Variants in STARD6 observed in about 807,000 individuals in gnomAD.
STARD6 encodes stAR-related lipid transfer protein 6.
A neutral mutation model predicts 22.3 loss-of-function variants in STARD6; 21 were observed. The observed-to-expected ratio is 0.94, with a 90% confidence interval of 0.67 to 1.35. The LOEUF (loss-of-function observed/expected upper bound fraction) is 1.35, where lower values mean the gene tolerates loss of function less well. Ranked by LOEUF, STARD6 falls within the 40% of genes most tolerant of loss-of-function variation. The pLI is 0.00. For missense variants in STARD6, 269 were observed against 266.9 expected (o/e 1.01, Z -0.05); for synonymous variants, 80 against 88.1 (o/e 0.91, Z 0.52).
At chr18:54,353,545 A>G (rs1254321887) in intron 4 of STARD6, among the ~76,000 whole-genome samples, 1 of 152,190 alleles carries the variant, frequency 6.6e-6, no homozygotes, top group Admixed American at 6.5e-5. Context: ...CTGTAGTCCC[A>G]GTTATTCAGG....
intron 7 of STARD6, 33 bp from the exon 8 acceptor site, chr18:54,324,908 G>T: frequency 6.8e-7 from 1 of 1,462,184 alleles, no homozygotes; most frequent in Non-Finnish European, 9.0e-7. Context: ...AAAAAGATAA[G>T]AAATTTTTAG....
intron 5 of STARD6, among the ~76,000 whole-genome samples, chr18:54,333,053 A>G (rs1411652533): frequency 6.6e-6 from 1 of 152,232 alleles, no homozygotes; most frequent in Admixed American, 6.5e-5. Flanking sequence ...TATTGGCTGC[A>G]TCATCCTTGA....
intron 4 of STARD6, among the ~76,000 whole-genome samples, chr18:54,342,221 A>T (rs578120105): frequency 2.0e-5 from 3 of 152,364 alleles, no homozygotes; most frequent in Admixed American, 2.0e-4. Context: ...CAAGACAGAG[A>T]TTGAATTAGT....
At chr18:54,354,439 A>T (rs1340345655) in intron 3 of STARD6, 45 bp downstream of exon 3, 2 of 1,487,786 alleles carry the variant, frequency 1.3e-6, no homozygotes, top group Non-Finnish European at 1.9e-6. Flanking sequence ...ATTGTTTCTT[A>T]CTTAAAAACA....
At chr18:54,332,289 A>G in intron 5 of STARD6, among the ~76,000 whole-genome samples, 1 of 152,232 alleles carries the variant, frequency 6.6e-6, no homozygotes, top group Admixed American at 6.5e-5. Flanking sequence ...CCAATGTTGT[A>G]TGCTGGTAAA....
In STARD6 at chr18:54,337,183, T is replaced by A. The variant is rs1446409028; in HGVS notation, c.209A>T (p.Asp70Val). Reference sequence around the variant, plus strand: ...CAATGATTTATCCCATGTAATTCTGTCTCCAGTTTGGTAGAGGAAATCAGA... The same window carrying A: ...CAATGATTTATCCCATGTAATTCTGACTCCAGTTTGGTAGAGGAAATCAGA... ...KLSDFLYQTG[D>V]RITWDKSLQV... Residue 70 changes from aspartate to valine, a missense_variant, in exon 5 of 8, where the codon GAC (aspartate) becomes GTC (valine). Physicochemically the swap from Asp to Val is radical, Grantham distance 152 (BLOSUM62 -3). Coordinates refer to ENST00000307844, the MANE Select transcript of STARD6 (RefSeq NM_139171.2). 7 of 1,613,396 alleles carry A rather than the reference T, an allele frequency of 4.3e-6. No individual in the cohort carries two copies. The East Asian group carries it at 1.3e-4, about 31-fold the overall frequency.
chr18:54,341,824 T>C (rs987508988), intron 4 of STARD6, among the ~76,000 whole-genome samples: 7 of 152,078 alleles, frequency 4.6e-5, no homozygotes, highest in Non-Finnish European at 2.9e-5. Context: ...AAAAAAGAAG[T>C]TCTGAAATCA....
At chr18:54,327,815 T>C (rs573623805) in intron 7 of STARD6, among the ~76,000 whole-genome samples, 127 of 152,320 alleles carry the variant, frequency 8.3e-4, no homozygotes, top group African/African-American at 2.3e-3. Context: ...GTTTATACTA[T>C]TTTTACAGTG....
rs57545912 is a variant in STARD6, at chr18:54,327,907, A to G, written c.479+1440T>C. On this transcript the variant is annotated intron_variant, in intron 7 of 7. Transcript: ENST00000307844. Reference sequence around the variant, plus strand: ...CTGCAGTTTCATTTATCCAAGGTCAACCTGTTCCAGAAATAAGAAAAATTC... The same window carrying G: ...CTGCAGTTTCATTTATCCAAGGTCAGCCTGTTCCAGAAATAAGAAAAATTC... Among the ~76,000 whole-genome samples the G allele has an allele frequency of 6.0e-3, 914 of 151,696 alleles. 7 individuals are homozygous for G. The highest frequency in any genetic ancestry group is 0.021 in the African/African-American group (882 of 41,386).
intron 4 of STARD6, among the ~76,000 whole-genome samples, chr18:54,342,786 G>A (rs1350666204): frequency 1.4e-4 from 6 of 43,452 alleles, no homozygotes. Flanking sequence ...AGGCTGGAGT[G>A]CAGTGGCGTG....
chr18:54,325,113 A>T (rs1408087334), intron 7 of STARD6, among the ~76,000 whole-genome samples: 1 of 152,102 alleles, frequency 6.6e-6, no homozygotes, highest in African/African-American at 2.4e-5. Flanking sequence ...TTATTATGAA[A>T]ATTTAAACAA....
At chr18:54,339,042 ATC>A (rs2144677830) in intron 4 of STARD6, among the ~76,000 whole-genome samples, 1 of 84,284 alleles carries the variant, frequency 1.2e-5, no homozygotes, top group Non-Finnish European at 2.1e-5. Flanking sequence ...GTGAGACTCC[ATC>A]AAAAAAAAAA....
intron 4 of STARD6, among the ~76,000 whole-genome samples, chr18:54,343,688 C>T (rs1453657041): frequency 2.8e-4 from 10 of 35,970 alleles, no homozygotes; most frequent in African/African-American, 7.8e-4. Flanking sequence ...GTCGGCCCCC[C>T]GCCCGGCCAG....
intron 6 of STARD6, 120 bp downstream of exon 6, chr18:54,331,622 C>T (rs560515348): frequency 6.2e-4 from 449 of 724,484 alleles, no homozygotes; most frequent in Non-Finnish European, 8.7e-4. Flanking sequence ...GTTGATCCCA[C>T]TAAGTAAATT....
At position 54,329,436 on chromosome 18, in the gene STARD6, T is replaced by G; in HGVS notation, c.390A>C (p.Lys130Asn). Residue 130 changes from lysine to asparagine, a missense_variant, in exon 7 of 8, where the codon AAA (lysine) becomes AAC (asparagine). Transcript: ENST00000307844. ...YEGNMNIISS[K>N]SVDFPEYPPS... is the part of the protein sequence containing the mutation. Reference sequence around the variant, plus strand: ...GAGGATATTCTGGAAAATCCACACTTTTAGCTAAGAGATTTTAAAAAATTA... The same window carrying G: ...GAGGATATTCTGGAAAATCCACACTGTTAGCTAAGAGATTTTAAAAAATTA... 4.4e-6 allele frequency: 7 copies of G among 1,596,048 alleles called. No individual in the cohort carries two copies. Among genetic ancestry groups the G allele is most frequent in the Non-Finnish European group, 6.0e-6 (7 of 1,174,016 alleles).
At chr18:54,356,757 C>T (rs1035885597) in intron 1 of STARD6, among the ~76,000 whole-genome samples, 3 of 152,198 alleles carry the variant, frequency 2.0e-5, no homozygotes, top group African/African-American at 7.2e-5. Context: ...GATTGTTAAT[C>T]CCCGACCAGG....
intron 6 of STARD6, 53 bp from the exon 7 acceptor site, chr18:54,329,493 A>G (rs982172340): frequency 4.4e-6 from 6 of 1,373,628 alleles, no homozygotes; most frequent in African/African-American, 2.9e-5. Flanking sequence ...AGGAAAAACT[A>G]TTTCCAGCAG....
chr18:54,346,864 A>T (rs114983036), intron 4 of STARD6, among the ~76,000 whole-genome samples: 1 of 152,080 alleles, frequency 6.6e-6, no homozygotes, highest in African/African-American at 2.4e-5. Flanking sequence ...CAAATATAAA[A>T]GGCAGAAACT....
intron 6 of STARD6, among the ~76,000 whole-genome samples, chr18:54,331,411 T>C (rs1231687756): frequency 6.6e-6 from 1 of 152,164 alleles, no homozygotes; most frequent in Non-Finnish European, 1.5e-5. Context: ...GCAATTCAAA[T>C]ATAAAATTAT....
Sources: allele counts gnomAD v4.1 joint callset (sites outside exome capture counted in the v4.1 genomes callset), GRCh38; gene constraint gnomAD v4.1.1; transcripts MANE v1.5; gene names NCBI Gene and HGNC (gene_info 2026-07-23, HGNC 2026-07-21).